IP6K3: variants seen among roughly 807,000 people sequenced by gnomAD.
IP6K3 encodes the protein inositol hexakisphosphate kinase 3.
Under a neutral mutation model 28.8 loss-of-function variants are expected in IP6K3, and 20 were observed. The ratio of observed to expected loss-of-function variants is 0.70; its 90% CI spans 0.49 to 1.01. The LOEUF is 1.01. Ranked by LOEUF, IP6K3 falls within the 50% of genes least tolerant of loss-of-function variation. The pLI, the probability that IP6K3 is intolerant of heterozygous loss-of-function variation, is 0.00. For synonymous variants in IP6K3, 213 were observed against 221.3 expected, an observed-to-expected ratio of 0.96 and a Z score of 0.33; for missense variants, 480 against 537.1, an observed-to-expected ratio of 0.89 and a Z score of 1.05.
At chr6:33,756,155 T>C in the IP6K3 span, among the ~76,000 whole-genome samples, 2 of 152,204 alleles carry the variant, frequency 1.3e-5, no homozygotes, top group Non-Finnish European at 2.9e-5. Context: ...TGAGCCACCA[T>C]GCCCAGCCTA....
In IP6K3 at chr6:33,723,155, G is replaced by A. The variant is rs1163995818; in HGVS notation, c.798C>T (p.Cys266=). ...VYQTDKKYFL[C]KDKYYGRKLS... ...GTTTTCTTCCATAGTACTTGTCTTT[G>A]CAGAGAAAGTACTTCTTATCTGTTT... The change falls in exon 6 of 6, where the codon TGC becomes TGT. Residue 266 remains cysteine, a synonymous_variant. Coordinates refer to ENST00000293756, the MANE Select transcript of IP6K3 (RefSeq NM_054111.5). The A allele has an allele frequency of 3.8e-6, 6 of 1,598,202 alleles. No individual in the cohort carries two copies. Among genetic ancestry groups the A allele is most frequent in the Non-Finnish European group, 5.1e-6 (6 of 1,172,070 alleles).
intron 4 of IP6K3, 96 bp downstream of exon 4, chr6:33,726,635 C>G (rs891460609): frequency 7.9e-7 from 1 of 1,271,092 alleles, no homozygotes; most frequent in Non-Finnish European, 1.1e-6. Context: ...CCATTGGCCC[C>G]GTGTTTGTGT....
rs1765935079 is a variant in IP6K3 at position 33,722,450 on chromosome 6, C to G, written c.*270G>C. The G allele has an allele frequency of 3.4e-6, 1 of 291,002 alleles. No individual in the cohort carries two copies. The highest frequency in any genetic ancestry group is 9.0e-5 in the South Asian group (1 of 11,158). The allele number at this position is 291,002 out of a possible 1,614,324, so 18.0% of individuals were successfully genotyped here. On this transcript the variant is annotated 3_prime_UTR_variant, in exon 6 of 6. Transcript: ENST00000293756. ...TGCTGGCCTCTAACTTGGGCTGCCC[C>G]CTCCAGTGTACTCCAGAAGGTGCCA...
chr6:33,727,527 A>C (rs925580897), intron 3 of IP6K3, among the ~76,000 whole-genome samples: 1 of 152,130 alleles, frequency 6.6e-6, no homozygotes, highest in African/African-American at 2.4e-5. Flanking sequence ...GTTTCCCATA[A>C]ATGTTTTAAA....
At position 33,722,567 on chromosome 6, in the gene IP6K3, C is replaced by T; in HGVS notation, c.*153G>A. On this transcript the variant is annotated 3_prime_UTR_variant, in exon 6 of 6. Coordinates refer to ENST00000293756, the MANE Select transcript of IP6K3 (RefSeq NM_054111.5). ...CCTCCAGAGCTGATTTGTTCAGCAG[C>T]TGTTAATATAGTCTGCCATATATAG... 2 of 581,230 alleles carry T rather than the reference C, an allele frequency of 3.4e-6. No individual in the cohort carries two copies. Among genetic ancestry groups the T allele is most frequent in the Non-Finnish European group, 6.1e-6 (2 of 325,780 alleles). 36.0% of individuals were successfully genotyped at this position (581,230 alleles called of 1,614,324 possible). A position where few individuals can be genotyped will look rare whatever the true frequency, so the allele number is the denominator to read the frequency against.
chr6:33,757,673 G>C, the IP6K3 span, among the ~76,000 whole-genome samples: 79 of 152,270 alleles, frequency 5.2e-4, no homozygotes, highest in Non-Finnish European at 1.1e-3. Context: ...AATCCCCACC[G>C]TGAACTAAGT....
At chr6:33,752,587 G>A in the IP6K3 span, among the ~76,000 whole-genome samples, 2 of 152,226 alleles carry the variant, frequency 1.3e-5, no homozygotes, top group East Asian at 3.8e-4. Context: ...TTCCAGGAGA[G>A]GAGAGACAAA....
intron 2 of IP6K3, among the ~76,000 whole-genome samples, chr6:33,734,093 C>G (rs1294241044): frequency 6.6e-6 from 1 of 151,680 alleles, no homozygotes; most frequent in East Asian, 1.9e-4. Context: ...ATCCCAGTTA[C>G]TCCGGAGGCT....
chr6:33,737,751 G>T (rs12193658), intron 1 of IP6K3, among the ~76,000 whole-genome samples: 18,400 of 151,008 alleles, frequency 0.12, 1,533 homozygotes, highest in Middle Eastern at 0.22. Context: ...TTCTGTGGCT[G>T]GCTGCGTAGC....
At chr6:33,728,432 C>G in intron 2 of IP6K3, 132 bp from the exon 3 acceptor site, 1 of 794,296 alleles carries the variant, frequency 1.3e-6, no homozygotes, top group Non-Finnish European at 2.0e-6. Flanking sequence ...CAGCTCCTCT[C>G]TCAAGGAAGA....
upstream of IP6K3, among the ~76,000 whole-genome samples, chr6:33,750,475 C>G (rs7752348): frequency 0.76 from 115,027 of 152,102 alleles, 44,282 homozygotes; most frequent in East Asian, 0.95. This position sits in a 1 kb window ranked among gnomAD's most constrained non-coding sequence, Gnocchi z 4.3. Context: ...AAGCCCTCCC[C>G]GCCCTTTCTG....
At position 33,722,664 on chromosome 6, in the gene IP6K3, A is replaced by C; in HGVS notation, c.*56T>G. 1.6e-6 allele frequency: 2 copies of C among 1,250,294 alleles called. No homozygotes were observed. The highest frequency in any genetic ancestry group is 2.3e-6 in the Non-Finnish European group (2 of 880,174). 77.5% of individuals were successfully genotyped at this position (1,250,294 alleles called of 1,614,324 possible). A position where few individuals can be genotyped will look rare whatever the true frequency, so the allele number is the denominator to read the frequency against. ...GGTGTCTGGACTACCCTAGCAACCA[A>C]CAGGTCTCTATTTGAGATCTATAGC... is the stretch of plus-strand genomic sequence containing the variant. On this transcript the variant is annotated 3_prime_UTR_variant, in exon 6 of 6. Transcript: ENST00000293756.
chr6:33,731,145 C>G (rs1271332179), intron 2 of IP6K3, among the ~76,000 whole-genome samples: 1 of 152,186 alleles, frequency 6.6e-6, no homozygotes, highest in Non-Finnish European at 1.5e-5. Context: ...CCAGCAGCCT[C>G]GTGCAGTTCC....
chr6:33,751,641 G>A (rs1377944942), upstream of IP6K3, among the ~76,000 whole-genome samples: 4 of 152,080 alleles, frequency 2.6e-5, no homozygotes, highest in Non-Finnish European at 4.4e-5. This position sits in a 1 kb window ranked among gnomAD's most constrained non-coding sequence, Gnocchi z 4.3. Context: ...ACTTTATCTC[G>A]TTTGGTCCTC....
intron 1 of IP6K3, among the ~76,000 whole-genome samples, chr6:33,738,314 C>T (rs1300353788): frequency 6.6e-6 from 1 of 152,224 alleles, no homozygotes; most frequent in Non-Finnish European, 1.5e-5. Context: ...CAGCCCAGCT[C>T]CACAGCCGCG....
the IP6K3 span, among the ~76,000 whole-genome samples, chr6:33,756,444 G>A: frequency 6.6e-6 from 1 of 152,040 alleles, no homozygotes; most frequent in Admixed American, 6.5e-5. Context: ...AGCCAGGGGA[G>A]AGAGGTAGAG....
In IP6K3 at chr6:33,735,310, A is replaced by G. The variant is rs777440889; in HGVS notation, c.167T>C (p.Leu56Pro). ...CTGTGGGGTGAACCGCTTCATGGCC[A>G]GCGGCAGGGATTCATAGAACCTCTG... ...REQRFYESLPLAMKRFTPQYK... is the reference protein window; with the variant it reads ...REQRFYESLPPAMKRFTPQYK... The change falls in exon 2 of 6, where the codon CTG becomes CCG. Residue 56 changes from leucine (L) to proline (P), a missense_variant. Leu to Pro is a moderately conservative substitution (Grantham distance 98). Transcript: ENST00000293756. The G allele has an allele frequency of 1.9e-6, 3 of 1,611,342 alleles. No individual in the cohort carries two copies. Among genetic ancestry groups the G allele is most frequent in the African/African-American group, 2.7e-5 (2 of 74,848 alleles).
the IP6K3 span, among the ~76,000 whole-genome samples, chr6:33,761,395 C>A: frequency 6.6e-6 from 1 of 152,150 alleles, no homozygotes; most frequent in Non-Finnish European, 1.5e-5. Context: ...TCCTGAGGGG[C>A]CGGGGCTGGC....
In IP6K3 at chr6:33,735,574, G is replaced by A. The variant is rs1476141139; in HGVS notation, c.-98C>T. 2.7e-5 allele frequency: 41 copies of A among 1,518,994 alleles called. No individual in the cohort carries two copies. Among genetic ancestry groups the A allele is most frequent in the South Asian group, 1.9e-4 (15 of 80,936 alleles). The allele number at this position is 1,518,994 out of a possible 1,614,324, so 94.1% of individuals were successfully genotyped here. A position where few individuals can be genotyped will look rare whatever the true frequency, so the allele number is the denominator to read the frequency against. On this transcript the variant is annotated 5_prime_UTR_variant, in exon 2 of 6. Coordinates refer to ENST00000293756, the MANE Select transcript of IP6K3 (RefSeq NM_054111.5). Reference sequence around the variant, plus strand: ...CCCAACAGCACACGGGGCTGTCAGCGGTCCTCAACTTTCTCCTTCTTGGCC... The same window carrying A: ...CCCAACAGCACACGGGGCTGTCAGCAGTCCTCAACTTTCTCCTTCTTGGCC...
Sources: gnomAD v4.1 joint callset for allele counts (sites outside exome capture counted in the v4.1 genomes callset) on GRCh38, gnomAD v4.1.1 for gene constraint, Gnocchi (gnomAD v3.1) non-coding constraint, MANE v1.5 for transcripts, NCBI Gene and HGNC (gene_info 2026-07-23, HGNC 2026-07-21) for gene names.